Variants in OR11A1 observed in about 807,000 individuals in gnomAD.
OR11A1 encodes the protein olfactory receptor 11A1.
For synonymous variants in OR11A1, 158 were observed against 152.2 expected (o/e 1.04, Z -0.28); for missense variants, 380 against 378.2 (o/e 1.00, Z -0.04).
rs1782920986 is a variant in OR11A1 at position 29,427,532 on chromosome 6, T to C, written c.110A>G (p.Tyr37Cys). Residue 37 changes from tyrosine (Y) to cysteine (C), a missense_variant, in exon 5 of 5, where the codon TAT becomes TGT. Physicochemically the swap from Tyr to Cys is radical, Grantham distance 194. Transcript: ENST00000377149. ...CATATTCCCTATGATGATGAAGACA[T>C]AGACAGCAGTGAATACAATAAAAAA... is the stretch of plus-strand genomic sequence containing the variant. ...FLFFIVFTAV[Y>C]VFIIIGNMLI... 1.2e-6 allele frequency: 2 copies of C among 1,612,826 alleles called. No homozygotes were observed. Among genetic ancestry groups the C allele is most frequent in the Non-Finnish European group, 8.5e-7 (1 of 1,179,980 alleles).
intron 1 of OR11A1, among the ~76,000 whole-genome samples, chr6:29,452,510 G>T (rs114472506): frequency 1.3e-5 from 2 of 151,944 alleles, no homozygotes; most frequent in Non-Finnish European, 2.9e-5. Flanking sequence ...CTGAAAACCC[G>T]CTGAAGTGGT....
Position 29,430,294 on chromosome 6 carries a change from C to T in OR11A1, c.-140+7G>A. The T allele has an allele frequency of 1.6e-5, 16 of 985,424 alleles. No individual in the cohort carries two copies. The highest frequency in any genetic ancestry group is 1.9e-5 in the Non-Finnish European group (16 of 829,940). 61.0% of individuals were successfully genotyped at this position (985,424 alleles called of 1,614,324 possible). ...TCCAACTCCCGTCTCTAAAGCTATT[C>T]TCTTACCCTTTGATCCCATCTGCAT... On this transcript the variant is annotated splice_region_variant and intron_variant, in intron 3 of 4. Coordinates refer to ENST00000377149, the MANE Select transcript of OR11A1 (RefSeq NM_001394828.1).
intron 1 of OR11A1, among the ~76,000 whole-genome samples, chr6:29,454,617 G>A (rs544423980): frequency 6.6e-6 from 1 of 152,180 alleles, no homozygotes; most frequent in East Asian, 1.9e-4. Flanking sequence ...TAATATCCAA[G>A]ACAATTTAAA....
intron 3 of OR11A1, among the ~76,000 whole-genome samples, chr6:29,429,846 A>G (rs1193220989): frequency 6.6e-6 from 1 of 152,214 alleles, no homozygotes; most frequent in Non-Finnish European, 1.5e-5. Context: ...GCTTGTCACA[A>G]GAAGGAACTA....
chr6:29,435,621 CTCTTA>C (rs1486545208), intron 1 of OR11A1, among the ~76,000 whole-genome samples: 1 of 152,162 alleles, frequency 6.6e-6, no homozygotes, highest in Non-Finnish European at 1.5e-5. Context: ...ATTGTTCAAT[CTCTTA>C]TCTTTGAAAA....
intron 1 of OR11A1, among the ~76,000 whole-genome samples, chr6:29,456,211 CAG>C (rs1219123843): frequency 1.3e-5 from 2 of 149,888 alleles, no homozygotes; most frequent in Non-Finnish European, 3.0e-5. Context: ...GCCTGGGCGA[CAG>C]AGTGAAACTC....
rs1181026910 is a variant in OR11A1 at position 29,428,485 on chromosome 6, G to C, written c.-92+428C>G. On this transcript the variant is annotated intron_variant, in intron 4 of 4. Transcript: ENST00000377149. ...AGAGTTGGCCAGGAGGCCGGGCTTG[G>C]TGGCTCACGCCTGTAATCCCAGCAC... is the stretch of plus-strand genomic sequence containing the variant. 6.4e-6 allele frequency: 5 copies of C among 776,784 alleles called. No homozygotes were observed. In the African/African-American group the frequency reaches 9.4e-5, roughly 15 times the overall value. The allele number at this position is 776,784 out of a possible 1,614,324, so 48.1% of individuals were successfully genotyped here.
intron 1 of OR11A1, among the ~76,000 whole-genome samples, chr6:29,433,642 G>T (rs1381615232): frequency 2.0e-5 from 3 of 151,948 alleles, no homozygotes; most frequent in Admixed American, 6.6e-5. Flanking sequence ...CAATGAATAT[G>T]AAAGTGTAGA....
At position 29,427,105 on chromosome 6, in the gene OR11A1, G is replaced by A. The variant is rs369737265; in HGVS notation, c.537C>T (p.Tyr179=). 4 of 1,612,756 alleles carry A rather than the reference G, an allele frequency of 2.5e-6. No homozygotes were observed. In the African/African-American group the frequency reaches 4.0e-5, roughly 16 times the overall value. ...GGCCCACGAAAAGCATAAAGTCACAGTAAAACTGGTCAATGTGGTTGGGGC... is the reference window on the plus strand; with the variant it reads ...GGCCCACGAAAAGCATAAAGTCACAATAAAACTGGTCAATGTGGTTGGGGC... ...FCGPNHIDQF[Y]CDFMLFVGLA... Residue 179 remains tyrosine (Y), a synonymous_variant, in exon 5 of 5, where the codon TAC becomes TAT. Coordinates refer to ENST00000377149, the MANE Select transcript of OR11A1 (RefSeq NM_001394828.1).
At chr6:29,437,970 G>A (rs1179761533) in intron 1 of OR11A1, among the ~76,000 whole-genome samples, 1 of 152,138 alleles carries the variant, frequency 6.6e-6, no homozygotes, top group African/African-American at 2.4e-5. Context: ...TTCTCTTTGA[G>A]CCATTGGCAT....
chr6:29,449,676 T>C (rs1229559467), intron 1 of OR11A1, among the ~76,000 whole-genome samples: 1 of 152,054 alleles, frequency 6.6e-6, no homozygotes, highest in African/African-American at 2.4e-5. Flanking sequence ...TCGCTCTGAC[T>C]CCCAGGCTGG....
At chr6:29,428,311 G>A (rs1276663357) in intron 4 of OR11A1, 2 of 985,404 alleles carry the variant, frequency 2.0e-6, no homozygotes, top group East Asian at 1.1e-4. Context: ...TGAAAATGTG[G>A]TAAATGGTAA....
chr6:29,441,977 G>T (rs1312129950), intron 1 of OR11A1, among the ~76,000 whole-genome samples: 2 of 152,164 alleles, frequency 1.3e-5, no homozygotes, highest in African/African-American at 2.4e-5. Context: ...TATCTATAAA[G>T]TTGCGGTAAC....
In OR11A1 at chr6:29,426,632, A is replaced by T; in HGVS notation, c.*62T>A. On this transcript the variant is annotated 3_prime_UTR_variant, in exon 5 of 5. Transcript: ENST00000377149. The stretch of plus-strand genomic sequence containing the variant: ...AGACAAAGTTACTCCTCTCCAACCC[A>T]TCCTGGAAGAGTCCCCAGTGGAGGT... 1 of 1,326,414 alleles carries T rather than the reference A, an allele frequency of 7.5e-7. No homozygotes were observed. Among genetic ancestry groups the T allele is most frequent in the Admixed American group, 2.1e-5 (1 of 47,600 alleles). 82.2% of individuals were successfully genotyped at this position (1,326,414 alleles called of 1,614,324 possible).
intron 1 of OR11A1, among the ~76,000 whole-genome samples, chr6:29,444,049 C>A (rs1305959072): frequency 1.3e-5 from 2 of 151,990 alleles, no homozygotes; most frequent in Non-Finnish European, 2.9e-5. Flanking sequence ...TGTCCCCACC[C>A]AAATCTCATC....
chr6:29,446,266 C>G (rs139708034), intron 1 of OR11A1, among the ~76,000 whole-genome samples: 82 of 152,284 alleles, frequency 5.4e-4, no homozygotes, highest in African/African-American at 1.9e-3. Context: ...CCTCTTCATT[C>G]TCCTTCATTC....
At chr6:29,440,082 C>T in intron 1 of OR11A1, 1 of 1,613,228 alleles carries the variant, frequency 6.2e-7, no homozygotes, top group Non-Finnish European at 8.5e-7. Flanking sequence ...GGCCGACCTC[C>T]AGGGCTTGCT....
intron 1 of OR11A1, among the ~76,000 whole-genome samples, chr6:29,436,292 T>C (rs536006911): frequency 1.3e-5 from 2 of 152,304 alleles, no homozygotes; most frequent in Admixed American, 1.3e-4. Flanking sequence ...ATTTTTCACA[T>C]TTTTTGTTTG....
intron 1 of OR11A1, among the ~76,000 whole-genome samples, chr6:29,437,717 A>AT (rs555990819): frequency 6.6e-6 from 1 of 152,334 alleles, no homozygotes; most frequent in East Asian, 1.9e-4. Context: ...CCAATTAAAC[A>AT]TTTTTAGCAA....
Sources: gnomAD v4.1 joint callset for allele counts (sites outside exome capture counted in the v4.1 genomes callset) on GRCh38, gnomAD v4.1.1 for gene constraint, MANE v1.5 for transcripts, NCBI Gene and HGNC (gene_info 2026-07-23, HGNC 2026-07-21) for gene names.